SERPINB9: variants seen among roughly 807,000 people sequenced by gnomAD.
The protein encoded by SERPINB9 is serpin B9.
SERPINB9 carries 20 observed loss-of-function variants against 27.2 expected under a neutral mutation model. The observed-to-expected ratio is 0.74, with a 90% CI of 0.52 to 1.07. The LOEUF is 1.07. Among genes scored for constraint, SERPINB9 ranks in the 50% least tolerant of loss-of-function variants. SERPINB9 has a pLI of 0.00. For missense variants in SERPINB9, 476 were observed against 460.1 expected, an observed-to-expected ratio of 1.03 and a Z score of -0.32; for synonymous variants, 189 against 180.0, an observed-to-expected ratio of 1.05 and a Z score of -0.40.
In SERPINB9 at chr6:2,893,504, C is replaced by G; in HGVS notation, c.474G>C (p.Arg158Ser). The G allele has an allele frequency of 1.2e-6, 2 of 1,612,896 alleles. No individual in the cohort carries two copies. The highest frequency in any genetic ancestry group is 1.7e-6 in the Non-Finnish European group (2 of 1,179,372). Residue 158 changes from arginine to serine, a missense_variant, in exon 5 of 7, where the codon AGG becomes AGC. By Grantham distance (110) the Arg-to-Ser change is moderately radical (BLOSUM62 -1). Transcript: ENST00000380698. ...AGTAGATGGCATTGACAAGAACCAG[C>G]CTGGTTTCTGCATCAATTGAGCTAC... ...LPGSSIDAET[R>S]LVLVNAIYFK...
intron 2 of SERPINB9, among the ~76,000 whole-genome samples, chr6:2,898,066 G>T (rs318490): frequency 0.47 from 71,868 of 151,466 alleles, 17,494 homozygotes; most frequent in East Asian, 0.63. Context: ...ACAGAGCAGA[G>T]ACTCTATCTC....
At position 2,891,565 on chromosome 6, in the gene SERPINB9, A is replaced by T. The variant is rs180696894; in HGVS notation, c.723+268T>A. 9.2e-5 allele frequency among the ~76,000 whole-genome samples: 14 copies of T among 152,224 alleles called. No individual in the cohort carries two copies. Among genetic ancestry groups the T allele is most frequent in the Admixed American group, 3.9e-4 (6 of 15,302 alleles). ...GCAGGATTTTTATAAGCTTCCTCCT[A>T]CCTGATTTATTTTAAAAGGCATTTT... On this transcript the variant is annotated intron_variant, in intron 6 of 6. Transcript: ENST00000380698. The surrounding 1 kb of genome is among the most constrained non-coding windows in gnomAD (Gnocchi z 4.0).
intron 5 of SERPINB9, 103 bp downstream of exon 5, chr6:2,893,308 A>C: frequency 8.7e-7 from 1 of 1,152,670 alleles, no homozygotes; most frequent in Non-Finnish European, 1.2e-6. Context: ...TAAGTTTCAA[A>C]TTCCTTTTGG....
At chr6:2,902,779 AAGTGCT>A (rs1216028567) in intron 1 of SERPINB9, among the ~76,000 whole-genome samples, 1 of 152,062 alleles carries the variant, frequency 6.6e-6, no homozygotes, top group Non-Finnish European at 1.5e-5. Context: ...TGGCCTCCCA[AAGTGCT>A]GGGATTACAG....
chr6:2,897,747 C>T (rs1285856518), intron 2 of SERPINB9, among the ~76,000 whole-genome samples: 1 of 152,028 alleles, frequency 6.6e-6, no homozygotes, highest in East Asian at 1.9e-4. Flanking sequence ...CACATACATA[C>T]AAAACAGACA....
At chr6:2,902,008 C>T (rs1460474737) in intron 1 of SERPINB9, among the ~76,000 whole-genome samples, 6 of 152,162 alleles carry the variant, frequency 3.9e-5, no homozygotes, top group African/African-American at 9.7e-5. Context: ...CCTAAATCTC[C>T]CAGGGGCCCT....
chr6:2,896,124 T>G lies in SERPINB9; in HGVS notation c.235A>C (p.Lys79Gln). 6.2e-7 allele frequency: 1 copy of G among 1,614,188 alleles called. No individual in the cohort carries two copies. The highest frequency in any genetic ancestry group is 8.5e-7 in the Non-Finnish European group (1 of 1,180,006). ...AFQSLLTEVNKAGTQYLLRTA... is the reference protein window; with the variant it reads ...AFQSLLTEVNQAGTQYLLRTA... ...CTCAGCAGGTACTGTGTGCCAGCCT[T>G]GTTCACTTCAGTGAGAAGCGACTGG... Residue 79 changes from lysine (K) to glutamine (Q), a missense_variant, in exon 3 of 7, where the codon AAG becomes CAG. Coordinates refer to ENST00000380698, the MANE Select transcript of SERPINB9 (RefSeq NM_004155.6).
rs780661299 is a variant in SERPINB9 at position 2,890,170 on chromosome 6, G to A, written c.1124C>T (p.Ser375Leu). The stretch of plus-strand genomic sequence containing the variant: ...GCACGGTAAGTGCACCCTTTATGGC[G>A]ATGAGAACCTGCCACAGAACAGAAT... ...NSILFCGRFS[S>L]P Residue 375 changes from serine to leucine, a missense_variant, in exon 7 of 7, where the codon TCG (serine) becomes TTG (leucine). Physicochemically the swap from Ser to Leu is moderately radical, Grantham distance 145 (BLOSUM62 -2). Transcript: ENST00000380698. This position sits in a 1 kb window ranked among gnomAD's most constrained non-coding sequence, Gnocchi z 6.2. The A allele has an allele frequency of 6.2e-6, 10 of 1,612,516 alleles. No homozygotes were observed. Among genetic ancestry groups the A allele is most frequent in the South Asian group, 2.2e-5 (2 of 91,048 alleles).
intron 1 of SERPINB9, among the ~76,000 whole-genome samples, chr6:2,901,563 G>C (rs1412850042): frequency 1.3e-5 from 2 of 152,290 alleles, no homozygotes; most frequent in East Asian, 3.9e-4. Context: ...AGCCACTGGA[G>C]ACCAAAGTGT....
Position 2,891,908 on chromosome 6 carries a change from C to T in SERPINB9, c.648G>A (p.Leu216=). The change falls in exon 6 of 7, where the codon CTG becomes CTA. Residue 216 remains leucine (L), a synonymous_variant. Coordinates refer to ENST00000380698, the MANE Select transcript of SERPINB9 (RefSeq NM_004155.6). This position sits in a 1 kb window ranked among gnomAD's most constrained non-coding sequence, Gnocchi z 4.0. Reference sequence around the variant, plus strand: ...CCTTCCTGGCGTAGGGCAGCTCCAGCAGCTGCGCGCGCACCTCGCCCACGT... The same window carrying T: ...CCTTCCTGGCGTAGGGCAGCTCCAGTAGCTGCGCGCGCACCTCGCCCACGT... ...LAHVGEVRAQ[L]LELPYARKEL... is the part of the protein sequence containing the mutation. The T allele has an allele frequency of 6.2e-7, 1 of 1,613,258 alleles. No homozygotes were observed. Among genetic ancestry groups the T allele is most frequent in the Non-Finnish European group, 8.5e-7 (1 of 1,179,906 alleles).
rs765447020 is a variant in SERPINB9 at position 2,896,162 on chromosome 6, A to G, written c.197T>C (p.Ile66Thr). Residue 66 changes from isoleucine (I) to threonine (T), a missense_variant, in exon 3 of 7, where the codon ATT becomes ACT. Transcript: ENST00000380698. ...QALSLNTEED[I>T]HRAFQSLLTE... The stretch of plus-strand genomic sequence containing the variant: ...GAGAAGCGACTGGAAAGCCCGATGA[A>G]TGTCTTCCTCTGTGTTTAAAGACAG... The G allele has an allele frequency of 6.2e-7, 1 of 1,614,070 alleles. No homozygotes were observed. Among genetic ancestry groups the G allele is most frequent in the Admixed American group, 1.7e-5 (1 of 59,986 alleles).
rs368675603 is a variant in SERPINB9, at chr6:2,900,560, T to C, written c.52A>G (p.Ile18Val). Residue 18 changes from isoleucine (I) to valine (V), a missense_variant, in exon 2 of 7, where the codon ATA becomes GTA. By Grantham distance (29) the Ile-to-Val change is conservative. Coordinates refer to ENST00000380698, the MANE Select transcript of SERPINB9 (RefSeq NM_004155.6). The stretch of plus-strand genomic sequence containing the variant: ...TGCGAAGGGTTATCTTGACACAGTA[T>C]CTTTAAAAGGCGTATGGCAAAAGTA... Reference protein sequence around the residue: ...SGTFAIRLLKILCQDNPSHNV... With the variant: ...SGTFAIRLLKVLCQDNPSHNV... 17 of 1,613,984 alleles carry C rather than the reference T, an allele frequency of 1.1e-5. No homozygotes were observed. In the African/African-American group the frequency reaches 2.0e-4, roughly 19 times the overall value.
rs1561646093 is a variant in SERPINB9 at position 2,896,047 on chromosome 6, A to G, written c.306+6T>C. Reference sequence around the variant, plus strand: ...CAACTTTTATTGTTCTATTGATTCAACTTACTGAGAGGAACTGACAAGTTT... The same window carrying G: ...CAACTTTTATTGTTCTATTGATTCAGCTTACTGAGAGGAACTGACAAGTTT... On this transcript the variant is annotated splice_donor_region_variant and intron_variant, in intron 3 of 6. Transcript: ENST00000380698. 6.2e-6 allele frequency: 10 copies of G among 1,611,870 alleles called. No homozygotes were observed. Among genetic ancestry groups the G allele is most frequent in the Admixed American group, 3.4e-5 (2 of 59,364 alleles).
intron 2 of SERPINB9, among the ~76,000 whole-genome samples, chr6:2,898,688 C>T (rs1311728015): frequency 6.6e-6 from 1 of 151,980 alleles, no homozygotes; most frequent in African/African-American, 2.4e-5. Flanking sequence ...GGGGCGGGCA[C>T]CTGTAGTCCC....
chr6:2,891,720 C>A lies in SERPINB9; in HGVS notation c.723+113G>T. ...TCGATCCCAACGCCAAGTGCCTGCACAGTGTGCGTCTGCCGCATCGCCAAC... is the reference window on the plus strand; with the variant it reads ...TCGATCCCAACGCCAAGTGCCTGCAAAGTGTGCGTCTGCCGCATCGCCAAC... On this transcript the variant is annotated intron_variant, in intron 6 of 6. Transcript: ENST00000380698. The surrounding 1 kb of genome is among the most constrained non-coding windows in gnomAD (Gnocchi z 4.0). 7.9e-7 allele frequency: 1 copy of A among 1,258,442 alleles called. No individual in the cohort carries two copies. The highest frequency in any genetic ancestry group is 1.1e-6 in the Non-Finnish European group (1 of 921,122). The allele number at this position is 1,258,442 out of a possible 1,614,324, so 78.0% of individuals were successfully genotyped here. A position where few individuals can be genotyped will look rare whatever the true frequency, so the allele number is the denominator to read the frequency against.
chr6:2,900,943 G>T (rs1031124727), intron 1 of SERPINB9, among the ~76,000 whole-genome samples: 11 of 145,262 alleles, frequency 7.6e-5, no homozygotes, highest in African/African-American at 2.3e-4. Flanking sequence ...AATTCTTTCC[G>T]TAAGGACCAG....
Position 2,890,629 on chromosome 6 carries a change from A to G in SERPINB9, c.724-59T>C. 2 of 1,483,498 alleles carry G rather than the reference A, an allele frequency of 1.3e-6. No individual in the cohort carries two copies. Among genetic ancestry groups the G allele is most frequent in the Non-Finnish European group, 9.2e-7 (1 of 1,086,680 alleles). The allele number at this position is 1,483,498 out of a possible 1,614,324, so 91.9% of individuals were successfully genotyped here. A position where few individuals can be genotyped will look rare whatever the true frequency, so the allele number is the denominator to read the frequency against. ...CTTCAGTGCACATGTACAAGCGCACAGGCACTCACAGTTCCCTTCCTCCCC... is the reference window on the plus strand; with the variant it reads ...CTTCAGTGCACATGTACAAGCGCACGGGCACTCACAGTTCCCTTCCTCCCC... On this transcript the variant is annotated intron_variant, in intron 6 of 6. Coordinates refer to ENST00000380698, the MANE Select transcript of SERPINB9 (RefSeq NM_004155.6). This position sits in a 1 kb window ranked among gnomAD's most constrained non-coding sequence, Gnocchi z 6.2.
rs1767768651 is a variant in SERPINB9 at position 2,890,662 on chromosome 6, T to C, written c.724-92A>G. On this transcript the variant is annotated intron_variant, in intron 6 of 6. Transcript: ENST00000380698. The surrounding 1 kb of genome is among the most constrained non-coding windows in gnomAD (Gnocchi z 6.2). Reference sequence around the variant, plus strand: ...ACAGTTCCCTTCCTCCCCTTGCACGTAGGTGTTGTTTGTTCACATAGGATC... The same window carrying C: ...ACAGTTCCCTTCCTCCCCTTGCACGCAGGTGTTGTTTGTTCACATAGGATC... 1.6e-6 allele frequency: 2 copies of C among 1,260,266 alleles called. No homozygotes were observed. Among genetic ancestry groups the C allele is most frequent in the Non-Finnish European group, 2.2e-6 (2 of 899,502 alleles). 78.1% of individuals were successfully genotyped at this position (1,260,266 alleles called of 1,614,324 possible). A position where few individuals can be genotyped will look rare whatever the true frequency, so the allele number is the denominator to read the frequency against.
At position 2,890,578 on chromosome 6, in the gene SERPINB9, A is replaced by G; in HGVS notation, c.724-8T>C. The G allele has an allele frequency of 6.2e-7, 1 of 1,604,386 alleles. No individual in the cohort carries two copies. Among genetic ancestry groups the G allele is most frequent in the Non-Finnish European group, 8.5e-7 (1 of 1,173,008 alleles). On this transcript the variant is annotated splice_region_variant and splice_polypyrimidine_tract_variant and intron_variant, in intron 6 of 6. Transcript: ENST00000380698. The surrounding 1 kb of genome is among the most constrained non-coding windows in gnomAD (Gnocchi z 6.2). ...AGTGAGACTTTTTTCCACCTGAAAG[A>G]CCAGAATTAGACTTTAAGATTCCGA...
Sources: gnomAD v4.1 joint callset for allele counts (sites outside exome capture counted in the v4.1 genomes callset) on GRCh38, gnomAD v4.1.1 for gene constraint, Gnocchi (gnomAD v3.1) non-coding constraint, MANE v1.5 for transcripts, NCBI Gene and HGNC (gene_info 2026-07-23, HGNC 2026-07-21) for gene names.